UCHL3: variants seen among roughly 807,000 people sequenced by gnomAD.
UCHL3 encodes ubiquitin carboxyl-terminal hydrolase isozyme L3.
UCHL3 carries 22 observed loss-of-function variants against 35.8 expected under a neutral mutation model. That is an observed-to-expected ratio of 0.61 (90% CI 0.44 to 0.88). UCHL3 has a LOEUF of 0.88. UCHL3 is among the 40% of genes least tolerant of loss of function. The pLI, the probability that UCHL3 is intolerant of heterozygous loss-of-function variation, is 0.00. For synonymous variants in UCHL3, 90 were observed against 92.8 expected (o/e 0.97, Z 0.17); for missense variants, 229 against 276.9 (o/e 0.83, Z 1.23).
rs201375589 is a variant in UCHL3, at chr13:75,550,185, A to G, written c.54+198A>G. 9.2e-3 allele frequency among the ~76,000 whole-genome samples: 1,402 copies of G among 152,198 alleles called. 13 individuals carry two copies. Among genetic ancestry groups the G allele is most frequent in the Non-Finnish European group, 0.016 (1,090 of 68,002 alleles). ...CCACCTGGCTCCTGAAGATTCTCCC[A>G]CCACTCCTCTGGTCCCATTCTGCAG... is the stretch of plus-strand genomic sequence containing the variant. On this transcript the variant is annotated intron_variant, in intron 2 of 8. Transcript: ENST00000377595.
At chr13:75,568,706 G>A (rs2031765157) in intron 5 of UCHL3, among the ~76,000 whole-genome samples, 1 of 151,648 alleles carries the variant, frequency 6.6e-6, no homozygotes, top group African/African-American at 2.4e-5. Context: ...ATACTGCAAG[G>A]TACATCATTG....
At chr13:75,588,435 G>A (rs1253605546) in intron 6 of UCHL3, among the ~76,000 whole-genome samples, 1 of 151,898 alleles carries the variant, frequency 6.6e-6, no homozygotes, top group Non-Finnish European at 1.5e-5. Context: ...AACATAACCA[G>A]ATTGAATGTG....
intron 2 of UCHL3, among the ~76,000 whole-genome samples, chr13:75,550,844 A>T (rs987504005): frequency 1.1e-4 from 16 of 152,036 alleles, no homozygotes; most frequent in Non-Finnish European, 2.1e-4. Context: ...CGTGTTCTTA[A>T]AAATATTGGT....
intron 6 of UCHL3, among the ~76,000 whole-genome samples, chr13:75,578,068 C>T (rs2032077076): frequency 6.6e-6 from 1 of 152,034 alleles, no homozygotes; most frequent in African/African-American, 2.4e-5. Flanking sequence ...ACACTTTTTG[C>T]ATCTATGTAT....
chr13:75,605,882 A>C lies in UCHL3; in HGVS notation c.*70A>C. ...AATTTTCTCTGCCATACACTAACTC[A>C]AAAATTTTGATATTTTCATTAACTT... is the stretch of plus-strand genomic sequence containing the variant. On this transcript the variant is annotated 3_prime_UTR_variant, in exon 9 of 9. Transcript: ENST00000377595. 2 of 1,447,094 alleles carry C rather than the reference A, an allele frequency of 1.4e-6. No homozygotes were observed. The highest frequency in any genetic ancestry group is 1.9e-6 in the Non-Finnish European group (2 of 1,040,082). The allele number at this position is 1,447,094 out of a possible 1,614,324, so 89.6% of individuals were successfully genotyped here. A position where few individuals can be genotyped will look rare whatever the true frequency, so the allele number is the denominator to read the frequency against.
At position 75,560,881 on chromosome 13, in the gene UCHL3, G is replaced by A; in HGVS notation, c.183G>A (p.Lys61=). Residue 61 remains lysine (K), a splice_region_variant and synonymous_variant, in exon 3 of 9, where the codon AAG becomes AAA. Coordinates refer to ENST00000377595, the MANE Select transcript of UCHL3 (RefSeq NM_006002.5). ...AVLLLFPITE[K]YEVFRTEEEE... is the part of the protein sequence containing the mutation. Reference sequence around the variant, plus strand: ...TACTTCTCTTTCCTATTACAGAAAAGGTAATTGTTATGTAAAATAGAAAGT... The same window carrying A: ...TACTTCTCTTTCCTATTACAGAAAAAGTAATTGTTATGTAAAATAGAAAGT... 6.6e-7 allele frequency: 1 copy of A among 1,505,018 alleles called. No individual in the cohort carries two copies. 93.2% of individuals were successfully genotyped at this position (1,505,018 alleles called of 1,614,324 possible).
At chr13:75,570,191 A>T (rs1262571776) in intron 6 of UCHL3, among the ~76,000 whole-genome samples, 1 of 152,186 alleles carries the variant, frequency 6.6e-6, no homozygotes, top group African/African-American at 2.4e-5. Context: ...ATACCAGAGA[A>T]TTAGAGGTTT....
chr13:75,600,435 T>C (rs376604086), intron 7 of UCHL3, among the ~76,000 whole-genome samples: 10 of 152,324 alleles, frequency 6.6e-5, no homozygotes, highest in African/African-American at 2.4e-4. Context: ...GTCTTGTTAA[T>C]GCAGACGGTG....
At chr13:75,568,626 G>A (rs895423685) in intron 5 of UCHL3, among the ~76,000 whole-genome samples, 1 of 151,804 alleles carries the variant, frequency 6.6e-6, no homozygotes, top group Non-Finnish European at 1.5e-5. Context: ...CCATTATGTA[G>A]TATTGTATTT....
At chr13:75,576,289 G>T (rs2032020731) in intron 6 of UCHL3, among the ~76,000 whole-genome samples, 1 of 152,012 alleles carries the variant, frequency 6.6e-6, no homozygotes, top group African/African-American at 2.4e-5. Context: ...GAGTGTAGTG[G>T]CGCAATCTCT....
intron 4 of UCHL3, 114 bp downstream of exon 4, chr13:75,566,965 C>A: frequency 8.2e-7 from 1 of 1,212,562 alleles, no homozygotes. Flanking sequence ...GCATTCCCTG[C>A]TTCCTTGATG....
chr13:75,550,373 C>T (rs914827744), intron 2 of UCHL3, among the ~76,000 whole-genome samples: 1 of 152,144 alleles, frequency 6.6e-6, no homozygotes, highest in Non-Finnish European at 1.5e-5. Context: ...TTCCTGACTC[C>T]AAGCTTTGTA....
chr13:75,568,663 A>G (rs1378903576), intron 5 of UCHL3, among the ~76,000 whole-genome samples: 1 of 151,948 alleles, frequency 6.6e-6, no homozygotes, highest in Non-Finnish European at 1.5e-5. Context: ...TTAGAAATTT[A>G]ATAGTTTTTC....
chr13:75,599,832 C>G (rs536636440), intron 7 of UCHL3, among the ~76,000 whole-genome samples: 13 of 152,224 alleles, frequency 8.5e-5, no homozygotes, highest in African/African-American at 3.1e-4. Context: ...CACTTTAAGT[C>G]AAAAACTAGA....
intron 7 of UCHL3, among the ~76,000 whole-genome samples, chr13:75,595,458 G>C (rs900238398): frequency 6.6e-6 from 1 of 151,806 alleles, no homozygotes; most frequent in Non-Finnish European, 1.5e-5. Flanking sequence ...TTAGCCCGGC[G>C]TGGTGGCACA....
chr13:75,554,951 A>T (rs1271910181), intron 2 of UCHL3, among the ~76,000 whole-genome samples: 1 of 152,098 alleles, frequency 6.6e-6, no homozygotes, highest in Non-Finnish European at 1.5e-5. Flanking sequence ...CTTTGTATCC[A>T]TGTGTTCTCA....
chr13:75,590,108 A>G (rs2032440909), intron 6 of UCHL3: 1 of 1,303,004 alleles, frequency 7.7e-7, no homozygotes, highest in South Asian at 1.2e-5. Context: ...TACGTCTACC[A>G]TCTTTGGGTC....
intron 6 of UCHL3, among the ~76,000 whole-genome samples, chr13:75,579,769 G>C (rs2032128901): frequency 2.0e-5 from 3 of 152,146 alleles, no homozygotes; most frequent in Admixed American, 1.3e-4. Flanking sequence ...TGGTGATGGT[G>C]AAAGTTTTCT....
At chr13:75,552,823 G>C (rs150363011) in intron 2 of UCHL3, among the ~76,000 whole-genome samples, 5 of 152,040 alleles carry the variant, frequency 3.3e-5, no homozygotes, top group Non-Finnish European at 5.9e-5. Flanking sequence ...ATTTATGACC[G>C]TACTAAATCT....
Sources: gnomAD v4.1 joint callset for allele counts (sites outside exome capture counted in the v4.1 genomes callset) on GRCh38, gnomAD v4.1.1 for gene constraint, MANE v1.5 for transcripts, NCBI Gene and HGNC (gene_info 2026-07-23, HGNC 2026-07-21) for gene names.